PHIP: variants seen among roughly 807,000 people sequenced by gnomAD.
PHIP encodes the protein PH-interacting protein.
Under a neutral mutation model 236.8 loss-of-function variants are expected in PHIP, and 54 were observed. The ratio of observed to expected loss-of-function variants is 0.23; its 90% confidence interval spans 0.18 to 0.29. The LOEUF (loss-of-function observed/expected upper bound fraction) is 0.29. Ranked by LOEUF, PHIP falls within the 10% of genes least tolerant of loss-of-function variation. The pLI, the probability that PHIP is intolerant of heterozygous loss-of-function variation, is 1.00. For synonymous variants in PHIP, 756 were observed against 718.9 expected (o/e 1.05, Z -0.83); for missense variants, 1,370 against 2,190.8 (o/e 0.63, Z 7.48).
intron 6 of PHIP, among the ~76,000 whole-genome samples, 173 bp downstream of exon 6, chr6:79,060,305 T>C (rs567483329): frequency 6.6e-6 from 1 of 152,306 alleles, no homozygotes; most frequent in Admixed American, 6.5e-5. Context: ...TCATTATACA[T>C]GACTTTTTCA....
In PHIP at chr6:79,017,545, T is replaced by C; in HGVS notation, c.1033A>G (p.Ile345Val). Residue 345 changes from isoleucine to valine, a missense_variant, in exon 11 of 40, where the codon ATT (isoleucine) becomes GTT (valine). Around this residue, in one of 14 missense-constraint regions of PHIP, gnomAD observed 188 missense variants for 354.3 expected, o/e 0.53. Transcript: ENST00000275034. ...CCTGATCCAAAAAAATAAACCCGAA[T>C]AATATGATCTGTGCTTCCCGTCGCC... is the stretch of plus-strand genomic sequence containing the variant. ...FLATGSTDHI[I>V]RVYFFGSGQP... 6.2e-7 allele frequency: 1 copy of C among 1,612,246 alleles called. No individual in the cohort carries two copies. The highest frequency in any genetic ancestry group is 1.1e-5 in the South Asian group (1 of 91,012).
chr6:78,970,404 T>C lies in PHIP; in HGVS notation c.2998-231A>G, dbSNP rs968548829. The stretch of plus-strand genomic sequence containing the variant: ...AAGGAAAAAAAAATAAGGAGAACTT[T>C]ACTAAAGTATAGTTACTAAAGTAAG... On this transcript the variant is annotated intron_variant, in intron 25 of 39. Transcript: ENST00000275034. 8.5e-5 allele frequency among the ~76,000 whole-genome samples: 13 copies of C among 152,124 alleles called. 1 individual carries two copies. The highest frequency in any genetic ancestry group is 5.2e-4 in the Admixed American group (8 of 15,266).
chr6:79,040,466 A>G (rs1772152055), intron 7 of PHIP, among the ~76,000 whole-genome samples: 1 of 152,276 alleles, frequency 6.6e-6, no homozygotes, highest in Middle Eastern at 3.4e-3. Flanking sequence ...TAAAAAGGAA[A>G]TACTGGTTGA....
At chr6:79,074,667 A>G (rs1237869219) in intron 4 of PHIP, among the ~76,000 whole-genome samples, 4 of 152,110 alleles carry the variant, frequency 2.6e-5, no homozygotes, top group African/African-American at 9.7e-5. Flanking sequence ...ATAATCAGTC[A>G]TGTTTTATAC....
Position 78,961,265 on chromosome 6 carries a change from TAAG to T in PHIP, c.3656+422_3656+424del, listed in dbSNP as rs563200609. ...AATGATAAGCTGAATACAGGCAAAA[TAAG>T]AACAAAATACATAATACGAATACAA... On this transcript the variant is annotated intron_variant, in intron 31 of 39. Transcript: ENST00000275034. Among the ~76,000 whole-genome samples, 16 of 151,970 alleles carry T rather than the reference TAAG, an allele frequency of 1.1e-4. No individual in the cohort carries two copies. In the East Asian group the frequency reaches 1.9e-3, roughly 18 times the overall value.
chr6:79,004,315 A>T, intron 15 of PHIP: 2 of 612,284 alleles, frequency 3.3e-6, no homozygotes, highest in Non-Finnish European at 4.1e-6. Context: ...ATTCCCTGGT[A>T]GTCTGACTCG....
chr6:78,958,674 C>T, intron 31 of PHIP, 74 bp from the exon 32 acceptor site: 1 of 904,208 alleles, frequency 1.1e-6, no homozygotes, highest in Non-Finnish European at 1.8e-6. Context: ...AAAACCAAGA[C>T]ATTCCAACTT....
intron 13 of PHIP, among the ~76,000 whole-genome samples, chr6:79,016,062 T>G (rs1464830661): frequency 6.6e-6 from 1 of 152,018 alleles, no homozygotes; most frequent in South Asian, 2.1e-4. Flanking sequence ...TTCTGTGCCA[T>G]GCTGCTCACT....
At chr6:78,995,615 T>C (rs1167052723) in intron 19 of PHIP, among the ~76,000 whole-genome samples, 9 of 152,218 alleles carry the variant, frequency 5.9e-5, no homozygotes, top group Non-Finnish European at 1.2e-4. Context: ...ATTTCCCTAG[T>C]GGTTAATGAC....
chr6:78,986,068 C>G (rs1203039444), intron 21 of PHIP, among the ~76,000 whole-genome samples: 2 of 152,038 alleles, frequency 1.3e-5, no homozygotes, highest in East Asian at 3.9e-4. Flanking sequence ...ACTTCTTGAG[C>G]CTTTTTAAAA....
intron 16 of PHIP, 132 bp downstream of exon 16, chr6:79,003,598 T>C (rs1770129854): frequency 3.7e-6 from 2 of 539,452 alleles, no homozygotes; most frequent in Admixed American, 4.0e-5. Context: ...GTCTCCAGAC[T>C]ACTTAACACA....
chr6:79,005,693 C>T (rs1770253320), intron 15 of PHIP, among the ~76,000 whole-genome samples: 1 of 151,914 alleles, frequency 6.6e-6, no homozygotes, highest in Non-Finnish European at 1.5e-5. Flanking sequence ...TCTAAGATTA[C>T]AATTTGAAGT....
chr6:78,951,892 A>T (rs1392041990), intron 35 of PHIP, among the ~76,000 whole-genome samples: 1 of 152,212 alleles, frequency 6.6e-6, no homozygotes, highest in Non-Finnish European at 1.5e-5. Flanking sequence ...ACAAATAAAT[A>T]GCTATAAATA....
rs773709212 is a variant in PHIP at position 79,015,085 on chromosome 6, A to G, written c.1521T>C (p.Asn507=). The change falls in exon 15 of 40, where the codon AAT becomes AAC. Residue 507 remains asparagine (N), a synonymous_variant. Coordinates refer to ENST00000275034, the MANE Select transcript of PHIP (RefSeq NM_017934.7). ...AAATGAAGAGAATGATAATTACCATATTGAAATAAGATCGTATTTTGACTC... is the reference window on the plus strand; with the variant it reads ...AAATGAAGAGAATGATAATTACCATGTTGAAATAAGATCGTATTTTGACTC... ...ARGVKIRSYF[N]MIEGQGHGAV... is the part of the protein sequence containing the mutation. The G allele has an allele frequency of 6.2e-7, 1 of 1,610,096 alleles. No homozygotes were observed. The highest frequency in any genetic ancestry group is 1.3e-5 in the African/African-American group (1 of 74,910).
At chr6:78,977,783 G>T (rs1012599527) in intron 24 of PHIP, among the ~76,000 whole-genome samples, 1 of 152,106 alleles carries the variant, frequency 6.6e-6, no homozygotes, top group Non-Finnish European at 1.5e-5. Context: ...TCTTCAAGTC[G>T]TATGAGGCAA....
chr6:78,975,897 A>T (rs1003328918), intron 24 of PHIP, among the ~76,000 whole-genome samples: 4 of 150,162 alleles, frequency 2.7e-5, no homozygotes, highest in African/African-American at 7.3e-5. Context: ...ATGGAAGAAC[A>T]TTCCATGCTC....
chr6:78,963,391 G>C (rs2127699376), intron 29 of PHIP, 139 bp from the exon 30 acceptor site: 1 of 567,824 alleles, frequency 1.8e-6, no homozygotes, highest in East Asian at 3.5e-5. Flanking sequence ...TTTTAACAAA[G>C]GAAAGTATGT....
At chr6:79,066,734 A>G (rs994478665) in intron 4 of PHIP, among the ~76,000 whole-genome samples, 2 of 152,260 alleles carry the variant, frequency 1.3e-5, no homozygotes, top group African/African-American at 4.8e-5. Flanking sequence ...TACAATATTT[A>G]TAAGATTATA....
At chr6:79,007,736 T>G (rs1036625579) in intron 15 of PHIP, among the ~76,000 whole-genome samples, 1 of 150,970 alleles carries the variant, frequency 6.6e-6, no homozygotes, top group African/African-American at 2.4e-5. Context: ...AATTTTAAAT[T>G]ATGTATGCAA....
Sources: allele counts gnomAD v4.1 joint callset (sites outside exome capture counted in the v4.1 genomes callset), GRCh38; gene constraint gnomAD v4.1.1; regional missense constraint gnomAD v4.1.1; transcripts MANE v1.5; gene names NCBI Gene and HGNC (gene_info 2026-07-23, HGNC 2026-07-21).